The following ABI2 variants were observed in gnomAD, a reference collection of about 807,000 sequenced individuals.
ABI2 encodes abl interactor 2, also known as abelson interactor 2.
ABI2 carries 25 observed loss-of-function variants against 59.2 expected under a neutral mutation model. The ratio of observed to expected loss-of-function variants is 0.42; its 90% CI spans 0.31 to 0.59. The LOEUF (loss-of-function observed/expected upper bound fraction) is 0.59, where lower values mean the gene tolerates loss of function less well. Among genes scored for constraint, ABI2 ranks in the 20% least tolerant of loss-of-function variants. The pLI is 0.14. For synonymous variants in ABI2, 213 were observed against 235.5 expected, an observed-to-expected ratio of 0.90 and a Z score of 0.87; for missense variants, 545 against 681.8, an observed-to-expected ratio of 0.80 and a Z score of 2.23.
intron 2 of ABI2, among the ~76,000 whole-genome samples, chr2:203,372,679 G>A (rs1431551396): frequency 6.6e-6 from 1 of 151,588 alleles, no homozygotes; most frequent in Non-Finnish European, 1.5e-5. Flanking sequence ...CAGACGGGGT[G>A]GCTGCCGGGC....
chr2:203,372,999 G>A (rs2095396063), intron 2 of ABI2, among the ~76,000 whole-genome samples: 1 of 151,986 alleles, frequency 6.6e-6, no homozygotes, highest in South Asian at 2.1e-4. Flanking sequence ...AGGCAGAGGG[G>A]CTCCTCACGT....
intron 4 of ABI2, among the ~76,000 whole-genome samples, chr2:203,389,262 GT>G (rs1485609242): frequency 6.6e-6 from 1 of 152,060 alleles, no homozygotes; most frequent in Non-Finnish European, 1.5e-5. Flanking sequence ...GATAATGTTT[GT>G]TTTTATTGTT....
At chr2:203,382,875 A>G (rs1336667370) in intron 4 of ABI2, among the ~76,000 whole-genome samples, 1 of 152,192 alleles carries the variant, frequency 6.6e-6, no homozygotes, top group Admixed American at 6.5e-5. Flanking sequence ...ATTATATGCA[A>G]AACATCAAAA....
At chr2:203,374,430 C>T (rs531197080) in intron 2 of ABI2, among the ~76,000 whole-genome samples, 6 of 139,840 alleles carry the variant, frequency 4.3e-5, no homozygotes, top group East Asian at 2.2e-4. Context: ...AACCTGGGAG[C>T]GGAGGTTGCA....
At chr2:203,413,595 A>G (rs544475003) in intron 10 of ABI2, among the ~76,000 whole-genome samples, 10 of 152,128 alleles carry the variant, frequency 6.6e-5, no homozygotes, top group African/African-American at 1.9e-4. Flanking sequence ...CATTTACACA[A>G]CGTATAAAAA....
intron 1 of ABI2, among the ~76,000 whole-genome samples, chr2:203,335,720 T>A (rs1472805782): frequency 1.3e-5 from 2 of 152,254 alleles, no homozygotes; most frequent in East Asian, 3.8e-4. Context: ...TTTTTTCTTC[T>A]TAAGTAATAT....
At chr2:203,415,253 T>C (rs1032465754) in intron 10 of ABI2, among the ~76,000 whole-genome samples, 1 of 152,170 alleles carries the variant, frequency 6.6e-6, no homozygotes, top group African/African-American at 2.4e-5. Context: ...GCACAGCAGA[T>C]GGGAAGAATA....
rs903688102 is a variant in ABI2, at chr2:203,380,140, T to C, written c.286-68T>C. 5.3e-6 allele frequency: 5 copies of C among 947,338 alleles called. No individual in the cohort carries two copies. The Admixed American group carries it at 1.2e-4, about 23-fold the overall frequency. The allele number at this position is 947,338 out of a possible 1,614,324, so 58.7% of individuals were successfully genotyped here. A position where few individuals can be genotyped will look rare whatever the true frequency, so the allele number is the denominator to read the frequency against. ...TAGCAATATTAAATCTCTAGGCATA[T>C]ATATTTTGATTTTTGTGGATATTAG... On this transcript the variant is annotated intron_variant, in intron 2 of 11. Coordinates refer to ENST00000261018, the MANE Select transcript of ABI2 (RefSeq NM_001375670.1).
At chr2:203,424,807 T>G (rs1049399208) in intron 11 of ABI2, among the ~76,000 whole-genome samples, 5 of 152,236 alleles carry the variant, frequency 3.3e-5, no homozygotes, top group African/African-American at 1.2e-4. Context: ...GTTAAAACTC[T>G]CAGCTCTCTA....
chr2:203,419,317 C>G (rs2098080850), intron 11 of ABI2, among the ~76,000 whole-genome samples: 1 of 151,416 alleles, frequency 6.6e-6, no homozygotes, highest in Non-Finnish European at 1.5e-5. Flanking sequence ...TCACGGTGGT[C>G]TTGATCTCCT....
intron 2 of ABI2, among the ~76,000 whole-genome samples, chr2:203,375,233 A>G (rs561387165): frequency 6.6e-6 from 1 of 152,202 alleles, no homozygotes; most frequent in South Asian, 2.1e-4. Context: ...TTGCAGTGAT[A>G]TATCTTGGTG....
At chr2:203,385,701 C>G (rs1015930382) in intron 4 of ABI2, among the ~76,000 whole-genome samples, 7 of 152,160 alleles carry the variant, frequency 4.6e-5, no homozygotes, top group Non-Finnish European at 1.0e-4. Context: ...GGAGGAAAAC[C>G]TTTGTAGTAA....
intron 1 of ABI2, among the ~76,000 whole-genome samples, chr2:203,360,324 G>T (rs1197315074): frequency 6.6e-6 from 1 of 152,096 alleles, no homozygotes; most frequent in Non-Finnish European, 1.5e-5. Flanking sequence ...TGTGAGGTCG[G>T]TTATCAATGA....
At chr2:203,340,641 A>C (rs1559158877) in intron 1 of ABI2, among the ~76,000 whole-genome samples, 1 of 152,082 alleles carries the variant, frequency 6.6e-6, no homozygotes, top group Non-Finnish European at 1.5e-5. Context: ...TACAGGTGTG[A>C]GCTACCATTT....
intron 2 of ABI2, among the ~76,000 whole-genome samples, chr2:203,367,854 A>T (rs1577309155): frequency 6.6e-6 from 1 of 152,054 alleles, no homozygotes; most frequent in South Asian, 2.1e-4. Flanking sequence ...AAATACAAAA[A>T]TTAGCCAGGT....
intron 1 of ABI2, among the ~76,000 whole-genome samples, chr2:203,336,480 C>A (rs1240238462): frequency 6.6e-6 from 1 of 152,200 alleles, no homozygotes; most frequent in African/African-American, 2.4e-5. Flanking sequence ...AGCCCTTTCT[C>A]AATCTCTTCA....
intron 9 of ABI2, among the ~76,000 whole-genome samples, chr2:203,409,150 C>G (rs1381918600): frequency 6.6e-6 from 1 of 152,002 alleles, no homozygotes; most frequent in Non-Finnish European, 1.5e-5. Context: ...ACTACCTTCT[C>G]TTTTCACTGT....
In ABI2 at chr2:203,389,008, T is replaced by C. The variant is rs117338093; in HGVS notation, c.481-2038T>C. Among the ~76,000 whole-genome samples, 313 of 152,294 alleles carry C rather than the reference T, an allele frequency of 2.1e-3. 10 individuals are homozygous for C. The East Asian group carries it at 0.05, about 24-fold the overall frequency. Reference sequence around the variant, plus strand: ...TAAAGTAACTTTGGGTTTTATGTTGTTTAAGGTTGAGCTTAAAGGACTTTG... The same window carrying C: ...TAAAGTAACTTTGGGTTTTATGTTGCTTAAGGTTGAGCTTAAAGGACTTTG... On this transcript the variant is annotated intron_variant, in intron 4 of 11. Transcript: ENST00000261018.
At chr2:203,370,216 CTCTCTCTCTCTT>C (rs2095006597) in intron 2 of ABI2, among the ~76,000 whole-genome samples, 1 of 149,394 alleles carries the variant, frequency 6.7e-6, no homozygotes, top group African/African-American at 2.5e-5. Context: ...CTCTCTCTCT[CTCTCTCTCTCTT>C]TCTGTGTGTA....
Sources: allele counts gnomAD v4.1 joint callset (sites outside exome capture counted in the v4.1 genomes callset), GRCh38; gene constraint gnomAD v4.1.1; transcripts MANE v1.5; gene names NCBI Gene and HGNC (gene_info 2026-07-23, HGNC 2026-07-21).